The following TMEM25 variants were observed in gnomAD, a reference collection of about 807,000 sequenced individuals.
The protein encoded by TMEM25 is 0610039J01Rik.
A neutral mutation model predicts 37.0 loss-of-function variants in TMEM25; 36 were observed. That is an observed-to-expected ratio of 0.97 (90% CI 0.75 to 1.28). The LOEUF is 1.28. Among genes scored for constraint, TMEM25 ranks in the 50% most tolerant of loss-of-function variants. The pLI is 0.00. For missense variants in TMEM25, 444 were observed against 477.9 expected (o/e 0.93, Z 0.66); for synonymous variants, 197 against 203.7 (o/e 0.97, Z 0.28).
downstream of TMEM25, among the ~76,000 whole-genome samples, chr11:118,538,965 TGTTGA>T (rs1170019470): frequency 2.6e-5 from 4 of 152,100 alleles, no homozygotes; most frequent in Non-Finnish European, 4.4e-5. Flanking sequence ...TTTCTTTTCC[TGTTGA>T]GTTGTTTGAA....
chr11:118,533,767 C>T, intron 5 of TMEM25, 90 bp from the exon 6 acceptor site: 1 of 1,603,738 alleles, frequency 6.2e-7, no homozygotes, highest in Non-Finnish European at 8.5e-7. Context: ...TGAGAGACCC[C>T]TTGCCTGAGG....
chr11:118,545,759 G>C (rs782184922), intron 8 of TMEM25: 9 of 1,601,176 alleles, frequency 5.6e-6, no homozygotes, highest in African/African-American at 1.3e-5. Context: ...TCTCTATCCA[G>C]AGATGGGGAC....
downstream of TMEM25, among the ~76,000 whole-genome samples, chr11:118,540,595 G>A (rs571818569): frequency 6.6e-6 from 1 of 152,310 alleles, no homozygotes; most frequent in South Asian, 2.1e-4. Context: ...TCCTGACAAG[G>A]CTTCCATCTT....
chr11:118,535,093 T>C lies in TMEM25; in HGVS notation c.*513T>C. The stretch of plus-strand genomic sequence containing the variant: ...AGCTGTGCAGAACCCAATTGCCCTT[T>C]GCACAGAAACCAACCCCTGACCCAG... On this transcript the variant is annotated 3_prime_UTR_variant, in exon 9 of 9. Transcript: ENST00000313236. The C allele has an allele frequency of 2.0e-6, 2 of 1,018,566 alleles. No individual in the cohort carries two copies. The highest frequency in any genetic ancestry group is 2.3e-6 in the Non-Finnish European group (2 of 851,212). The allele number at this position is 1,018,566 out of a possible 1,614,324, so 63.1% of individuals were successfully genotyped here.
rs782078850 is a variant in TMEM25, at chr11:118,534,037, A to G, written c.845A>G (p.Asn282Ser). Residue 282 changes from asparagine (N) to serine (S), a missense_variant, in exon 7 of 9, where the codon AAC becomes AGC. Asn to Ser is a conservative substitution (Grantham distance 46). Transcript: ENST00000313236. This position sits in a 1 kb window ranked among gnomAD's most constrained non-coding sequence, Gnocchi z 4.6. ...CTTTGTCCTCCCTGTAGTGACTCCAACAACCTAAAACTCAACAACGTGCGC... is the reference window on the plus strand; with the variant it reads ...CTTTGTCCTCCCTGTAGTGACTCCAGCAACCTAAAACTCAACAACGTGCGC... ...RHPSLISSDS[N>S]NLKLNNVRLP... 3.1e-6 allele frequency: 5 copies of G among 1,613,964 alleles called. No homozygotes were observed. Among genetic ancestry groups the G allele is most frequent in the African/African-American group, 1.3e-5 (1 of 74,880 alleles).
chr11:118,541,319 G>A (rs1035511759), intron 8 of TMEM25, among the ~76,000 whole-genome samples: 3 of 151,884 alleles, frequency 2.0e-5, no homozygotes, highest in Admixed American at 6.6e-5. Flanking sequence ...AAAATTAGCC[G>A]AGTGTGGTGG....
intron 1 of TMEM25, 178 bp downstream of exon 1, chr11:118,531,412 T>C: frequency 5.2e-6 from 2 of 383,144 alleles, no homozygotes; most frequent in East Asian, 1.2e-4. Flanking sequence ...GGAGAGAGAA[T>C]AGGATTAGGA....
rs782557057 is a variant in TMEM25 at position 118,534,535 on chromosome 11, T to C, written c.1056T>C (p.Tyr352=). 5.0e-6 allele frequency: 8 copies of C among 1,614,118 alleles called. No individual in the cohort carries two copies. The African/African-American group carries it at 8.0e-5, about 16-fold the overall frequency. ...QGFIRLPVLG[Y]IYRVSSVSSD... ...TCATCCGCCTCCCAGTGCTGGGCTA[T>C]ATCTATCGAGTGTCCAGCGTGAGCA... Residue 352 remains tyrosine, a synonymous_variant, in exon 9 of 9, where the codon TAT becomes TAC. Coordinates refer to ENST00000313236, the MANE Select transcript of TMEM25 (RefSeq NM_032780.4). This position sits in a 1 kb window ranked among gnomAD's most constrained non-coding sequence, Gnocchi z 4.6.
intron 8 of TMEM25, chr11:118,545,808 T>C (rs1951669552): frequency 6.2e-7 from 1 of 1,614,064 alleles, no homozygotes; most frequent in Non-Finnish European, 8.5e-7. Context: ...ATCATGTCAA[T>C]GTACTCTGCC....
rs1555061538 is a variant in TMEM25, at chr11:118,534,044, A to G, written c.852A>G (p.Leu284=). Residue 284 remains leucine, a synonymous_variant, in exon 7 of 9, where the codon CTA becomes CTG. Coordinates refer to ENST00000313236, the MANE Select transcript of TMEM25 (RefSeq NM_032780.4). The surrounding 1 kb of genome is among the most constrained non-coding windows in gnomAD (Gnocchi z 4.6). Reference sequence around the variant, plus strand: ...CTCCCTGTAGTGACTCCAACAACCTAAAACTCAACAACGTGCGCCTGCCAC... The same window carrying G: ...CTCCCTGTAGTGACTCCAACAACCTGAAACTCAACAACGTGCGCCTGCCAC... ...PSLISSDSNN[L]KLNNVRLPRE... 32 of 1,613,950 alleles carry G rather than the reference A, an allele frequency of 2.0e-5. No individual in the cohort carries two copies. Among genetic ancestry groups the G allele is most frequent in the Non-Finnish European group, 2.5e-5 (30 of 1,180,002 alleles).
chr11:118,534,089 G>A lies in TMEM25; in HGVS notation c.897G>A (p.Pro299=), dbSNP rs6589664. ...VRLPRENMSL[P]SNLQLNDLTP... The stretch of plus-strand genomic sequence containing the variant: ...TGCCACGGGAGAACATGTCCCTCCC[G>A]TCCAACCTTCAGCTCAATGACCTCA... The change falls in exon 7 of 9, where the codon CCG becomes CCA. Residue 299 remains proline (P), a synonymous_variant. Coordinates refer to ENST00000313236, the MANE Select transcript of TMEM25 (RefSeq NM_032780.4). This position sits in a 1 kb window ranked among gnomAD's most constrained non-coding sequence, Gnocchi z 4.6. The A allele has an allele frequency of 0.29, 462,121 of 1,613,730 alleles. 69,962 individuals are homozygous for A. The highest frequency in any genetic ancestry group is 0.5 in the Admixed American group (30,289 of 59,992).
chr11:118,532,008 G>C, intron 2 of TMEM25, 137 bp downstream of exon 2: 19 of 1,361,904 alleles, frequency 1.4e-5, no homozygotes, highest in Non-Finnish European at 1.9e-5. Flanking sequence ...ACCTACCCTA[G>C]GTCCAACCAG....
In TMEM25 at chr11:118,533,227, G is replaced by A. The variant is rs782031186; in HGVS notation, c.673+20G>A. On this transcript the variant is annotated intron_variant, in intron 4 of 8. Coordinates refer to ENST00000313236, the MANE Select transcript of TMEM25 (RefSeq NM_032780.4). ...CCCCAGGTGAGCATGGCCAGCAAGC[G>A]GCCCTGCAAAGCTTCAGGTGGGCTC... is the stretch of plus-strand genomic sequence containing the variant. 1.5e-5 allele frequency: 23 copies of A among 1,576,088 alleles called. No homozygotes were observed. The highest frequency in any genetic ancestry group is 9.4e-5 in the African/African-American group (7 of 74,446).
Position 118,535,470 on chromosome 11 carries a change from G to C in TMEM25, c.*890G>C, listed in dbSNP as rs1453319417. On this transcript the variant is annotated 3_prime_UTR_variant, in exon 9 of 9. Transcript: ENST00000313236. Reference sequence around the variant, plus strand: ...TTTGGCCTTCTGGGATTCACTGTGAGTGTCCTGAGCTCTCGGGGTTGATGG... The same window carrying C: ...TTTGGCCTTCTGGGATTCACTGTGACTGTCCTGAGCTCTCGGGGTTGATGG... 1 of 1,508,454 alleles carries C rather than the reference G, an allele frequency of 6.6e-7. No individual in the cohort carries two copies. Among genetic ancestry groups the C allele is most frequent in the East Asian group, 2.5e-5 (1 of 40,136 alleles). The allele number at this position is 1,508,454 out of a possible 1,614,324, so 93.4% of individuals were successfully genotyped here. A position where few individuals can be genotyped will look rare whatever the true frequency, so the allele number is the denominator to read the frequency against.
At chr11:118,546,249 G>C (rs1396356453) in exon 9 of TMEM25, 4 of 701,232 alleles carry the variant, frequency 5.7e-6, no homozygotes, top group Non-Finnish European at 1.1e-5. Context: ...TGTAATACCA[G>C]CACTGTGGGA....
Position 118,534,771 on chromosome 11 carries a change from A to G in TMEM25, c.*191A>G. 7.1e-7 allele frequency: 1 copy of G among 1,417,870 alleles called. No individual in the cohort carries two copies. 87.8% of individuals were successfully genotyped at this position (1,417,870 alleles called of 1,614,324 possible). A position where few individuals can be genotyped will look rare whatever the true frequency, so the allele number is the denominator to read the frequency against. ...ACTGGGCTGTAACCCGCAGGGGCACAGGTATCTTTGGCAAGGCTACCAGTT... is the reference window on the plus strand; with the variant it reads ...ACTGGGCTGTAACCCGCAGGGGCACGGGTATCTTTGGCAAGGCTACCAGTT... On this transcript the variant is annotated 3_prime_UTR_variant, in exon 9 of 9. Coordinates refer to ENST00000313236, the MANE Select transcript of TMEM25 (RefSeq NM_032780.4). This position sits in a 1 kb window ranked among gnomAD's most constrained non-coding sequence, Gnocchi z 4.6.
Position 118,534,309 on chromosome 11 carries a change from G to T in TMEM25, c.981G>T (p.Arg327=). 1.2e-6 allele frequency: 2 copies of T among 1,614,174 alleles called. No individual in the cohort carries two copies. The highest frequency in any genetic ancestry group is 1.7e-6 in the Non-Finnish European group (2 of 1,180,032). Residue 327 remains arginine, a synonymous_variant, in exon 8 of 9, where the codon CGG becomes CGT. Transcript: ENST00000313236. This position sits in a 1 kb window ranked among gnomAD's most constrained non-coding sequence, Gnocchi z 4.6. The stretch of plus-strand genomic sequence containing the variant: ...GGCAGATGGCTCAGAACAACAGCCG[G>T]CCAGAGCTTCTGGACCCGGAGCCCG... ...ADRQMAQNNS[R]PELLDPEPGG...
downstream of TMEM25, among the ~76,000 whole-genome samples, chr11:118,536,328 G>T (rs973102273): frequency 6.6e-6 from 1 of 152,014 alleles, no homozygotes; most frequent in Non-Finnish European, 1.5e-5. Context: ...CAAGTAGCTG[G>T]GATTACAGGC....
In TMEM25 at chr11:118,534,431, C is replaced by T. The variant is rs1173691259; in HGVS notation, c.1027+76C>T. On this transcript the variant is annotated intron_variant, in intron 8 of 8. Transcript: ENST00000313236. The surrounding 1 kb of genome is among the most constrained non-coding windows in gnomAD (Gnocchi z 4.6). ...CTTATGCCAGAGGCCTCCAAGTGCCCAGGAGGCAGAGAGAGCTCTCCAAAT... is the reference window on the plus strand; with the variant it reads ...CTTATGCCAGAGGCCTCCAAGTGCCTAGGAGGCAGAGAGAGCTCTCCAAAT... 6 of 1,609,620 alleles carry T rather than the reference C, an allele frequency of 3.7e-6. No individual in the cohort carries two copies. The Admixed American group carries it at 1.0e-4, about 27-fold the overall frequency.
Sources: allele counts gnomAD v4.1 joint callset (sites outside exome capture counted in the v4.1 genomes callset), GRCh38; gene constraint gnomAD v4.1.1; non-coding constraint Gnocchi (gnomAD v3.1); transcripts MANE v1.5; gene names NCBI Gene and HGNC (gene_info 2026-07-23, HGNC 2026-07-21).